The following SASH1 variants were observed in gnomAD, a reference collection of about 807,000 sequenced individuals.
SASH1 encodes the protein SAM and SH3 domain-containing protein 1.
SASH1 carries 44 observed loss-of-function variants against 125.2 expected under a neutral mutation model. The observed-to-expected ratio is 0.35, with a 90% confidence interval of 0.28 to 0.45. SASH1 has a LOEUF of 0.45. Ranked by LOEUF, SASH1 falls within the 20% of genes least tolerant of loss-of-function variation. The pLI, the probability that SASH1 is intolerant of heterozygous loss-of-function variation, is 1.00. For synonymous variants in SASH1, 639 were observed against 649.1 expected, an observed-to-expected ratio of 0.98 and a Z score of 0.24; for missense variants, 1,426 against 1,614.5, an observed-to-expected ratio of 0.88 and a Z score of 2.00.
rs569112619 is a variant in SASH1 at position 148,548,674 on chromosome 6, G to T, written c.*116G>T. ...AGACCAGATCCAGAAGAAAGGCCTG[G>T]CGTGTGGCCAAACAGCGTGAAACCT... On this transcript the variant is annotated 3_prime_UTR_variant, in exon 20 of 20. Transcript: ENST00000367467. 2 of 1,278,468 alleles carry T rather than the reference G, an allele frequency of 1.6e-6. No homozygotes were observed. The highest frequency in any genetic ancestry group is 2.1e-6 in the Non-Finnish European group (2 of 936,392). The allele number at this position is 1,278,468 out of a possible 1,614,324, so 79.2% of individuals were successfully genotyped here.
intron 8 of SASH1, among the ~76,000 whole-genome samples, chr6:148,502,999 C>T (rs1339634524): frequency 2.0e-5 from 3 of 152,210 alleles, no homozygotes; most frequent in African/African-American, 7.2e-5. Flanking sequence ...TGTCCCTACC[C>T]TCAGACGTCT....
the SASH1 span, among the ~76,000 whole-genome samples, chr6:148,211,743 C>G: frequency 6.6e-6 from 1 of 152,200 alleles, no homozygotes; most frequent in Admixed American, 6.5e-5. Flanking sequence ...TCATCATGCT[C>G]TTTCCACTAC....
the SASH1 span, among the ~76,000 whole-genome samples, chr6:148,229,784 C>T: frequency 7.1e-5 from 10 of 141,776 alleles, no homozygotes; most frequent in African/African-American, 2.4e-4. Context: ...TGCAATGGTG[C>T]GATCTTGGCT....
upstream of SASH1, among the ~76,000 whole-genome samples, chr6:148,339,024 AGAG>A (rs1241125978): frequency 9.7e-3 from 1,372 of 140,762 alleles, 26 homozygotes; most frequent in African/African-American, 0.034. Flanking sequence ...AAAAAAAAAA[AGAG>A]AGAGAGAGAT....
rs1175886057 is a variant in SASH1 at position 148,529,155 on chromosome 6, C to T, written c.1428+1559C>T. Among the ~76,000 whole-genome samples the T allele has an allele frequency of 1.3e-4, 20 of 152,192 alleles. No individual in the cohort carries two copies. The highest frequency in any genetic ancestry group is 2.6e-4 in the Non-Finnish European group (18 of 68,048). On this transcript the variant is annotated intron_variant, in intron 12 of 19. Transcript: ENST00000367467. The surrounding 1 kb of genome is among the most constrained non-coding windows in gnomAD (Gnocchi z 4.2). ...TGGCCTGCTCACCCGCCACTCACCT[C>T]CTGCTGTACGGCCCACTTCTTAACA...
At chr6:148,410,001 T>TA (rs1425568701) in intron 2 of SASH1, among the ~76,000 whole-genome samples, 1 of 151,754 alleles carries the variant, frequency 6.6e-6, no homozygotes. Context: ...AACATGCTCT[T>TA]ATCTTGACAC....
At chr6:148,420,780 TG>T (rs943437159) in intron 2 of SASH1, among the ~76,000 whole-genome samples, 4 of 152,060 alleles carry the variant, frequency 2.6e-5, no homozygotes, top group African/African-American at 9.7e-5. Context: ...TCCAATTTTT[TG>T]TTATGATAGA....
the SASH1 span, among the ~76,000 whole-genome samples, chr6:148,197,587 GCTT>G: frequency 6.6e-6 from 1 of 152,178 alleles, no homozygotes; most frequent in Non-Finnish European, 1.5e-5. Flanking sequence ...CTCCCTCAAA[GCTT>G]CTCCTTCCTC....
intron 1 of SASH1, among the ~76,000 whole-genome samples, chr6:148,378,857 G>C (rs920238842): frequency 6.6e-6 from 1 of 152,176 alleles, no homozygotes; most frequent in Non-Finnish European, 1.5e-5. Context: ...CACTTTATTG[G>C]TGTCAGCAGC....
At position 148,437,864 on chromosome 6, in the gene SASH1, A is replaced by AT. The variant is rs1776360331; in HGVS notation, c.286-2319dup. ...GGTTGTTAATAAGCAACTACTTTGT[A>AT]TGCAGGGGCAGGTACGTTTTGCATA... On this transcript the variant is annotated intron_variant, in intron 2 of 19. Transcript: ENST00000367467. 2.0e-5 allele frequency among the ~76,000 whole-genome samples: 3 copies of AT among 152,240 alleles called. No homozygotes were observed. In the South Asian group the frequency reaches 6.2e-4, roughly 32 times the overall value.
Position 148,534,793 on chromosome 6 carries a change from G to A in SASH1, c.1987G>A (p.Asp663Asn). The change falls in exon 16 of 20, where the codon GAC becomes AAC. Residue 663 changes from aspartate to asparagine, a missense_variant. Physicochemically the swap from Asp to Asn is conservative, Grantham distance 23. Transcript: ENST00000367467. Reference protein sequence around the residue: ...TFLFNGYEDLDTFKLLEEEDL... With the variant: ...TFLFNGYEDLNTFKLLEEEDL... ...CCTGTTCAATGGATATGAAGATTTG[G>A]ACACCTTTAAGCTGCTGGAGGAGGA... is the stretch of plus-strand genomic sequence containing the variant. 1 of 1,614,204 alleles carries A rather than the reference G, an allele frequency of 6.2e-7. No homozygotes were observed. Among genetic ancestry groups the A allele is most frequent in the Admixed American group, 1.7e-5 (1 of 60,026 alleles).
At chr6:148,335,618 G>C (rs865899999) in intron 1 of SASH1, among the ~76,000 whole-genome samples, 1 of 151,958 alleles carries the variant, frequency 6.6e-6, no homozygotes, top group South Asian at 2.1e-4. Context: ...CAGGGAGGGA[G>C]GGTTGGATCA....
chr6:148,223,245 A>G, the SASH1 span, among the ~76,000 whole-genome samples: 3 of 152,182 alleles, frequency 2.0e-5, no homozygotes, highest in South Asian at 2.1e-4. Flanking sequence ...GTTTCCCCAA[A>G]TGTGAAATAT....
At chr6:148,323,150 C>T (rs1052009036) in intron 1 of SASH1, among the ~76,000 whole-genome samples, 1 of 152,038 alleles carries the variant, frequency 6.6e-6, no homozygotes, top group Admixed American at 6.6e-5. Flanking sequence ...GCTGGGATTA[C>T]AGGCATGTAC....
intron 2 of SASH1, among the ~76,000 whole-genome samples, chr6:148,398,628 ACTAT>A: frequency 6.6e-6 from 1 of 152,276 alleles, no homozygotes; most frequent in Non-Finnish European, 1.5e-5. Context: ...TGTGCCGCAC[ACTAT>A]CCTGAGTTAT....
chr6:148,513,694 C>G (rs1780276690), intron 8 of SASH1: 2 of 985,738 alleles, frequency 2.0e-6, no homozygotes, highest in Non-Finnish European at 2.4e-6. Flanking sequence ...TCCCTTGTCT[C>G]TCTTGGAGGA....
chr6:148,334,240 C>G (rs192915532), intron 1 of SASH1, among the ~76,000 whole-genome samples: 1 of 137,658 alleles, frequency 7.3e-6, no homozygotes, highest in Non-Finnish European at 1.6e-5. Flanking sequence ...CTGGCTAACA[C>G]GGTGAAACCC....
chr6:148,243,566 C>CCAGG, the SASH1 span, among the ~76,000 whole-genome samples: 1 of 146,338 alleles, frequency 6.8e-6, no homozygotes, highest in Non-Finnish European at 1.5e-5. Flanking sequence ...TCGCTTAAAC[C>CCAGG]CAGGAGGTGG....
chr6:148,280,572 G>C (rs1334176709), intron 1 of SASH1: 1 of 152,892 alleles, frequency 6.5e-6, no homozygotes, highest in East Asian at 1.9e-4. Flanking sequence ...GTGAGCCACT[G>C]TACCCATCCC....
Sources: gnomAD v4.1 joint callset for allele counts (sites outside exome capture counted in the v4.1 genomes callset) on GRCh38, gnomAD v4.1.1 for gene constraint, Gnocchi (gnomAD v3.1) non-coding constraint, MANE v1.5 for transcripts, NCBI Gene and HGNC (gene_info 2026-07-23, HGNC 2026-07-21) for gene names.